Variants in NAV3 observed in about 807,000 individuals in gnomAD.
NAV3 encodes the protein neuron navigator 3, also known as pore membrane and/or filament interacting like protein 1.
NAV3 carries 87 observed loss-of-function variants against 244.7 expected under a neutral mutation model. The observed-to-expected ratio is 0.36, with a 90% confidence interval of 0.30 to 0.42. The LOEUF is 0.42. Ranked by LOEUF, NAV3 falls within the 20% of genes least tolerant of loss-of-function variation. NAV3 has a pLI of 1.00. For synonymous variants in NAV3, 1,126 were observed against 1,042.2 expected (o/e 1.08, Z -1.55); for missense variants, 2,663 against 2,893.3 (o/e 0.92, Z 1.83).
chr12:78,011,158 G>C (rs867566680), intron 8 of NAV3, among the ~76,000 whole-genome samples: 2 of 152,214 alleles, frequency 1.3e-5, no homozygotes, highest in African/African-American at 4.8e-5. Context: ...AGAGCTACCT[G>C]AAATTGGAAT....
intron 2 of NAV3, among the ~76,000 whole-genome samples, chr12:77,776,355 G>T (rs1017897378): frequency 6.6e-6 from 1 of 152,202 alleles, no homozygotes; most frequent in African/African-American, 2.4e-5. Context: ...AAATCTTTCT[G>T]TATTTAACAG....
At chr12:77,964,263 T>G (rs143668690) in intron 3 of NAV3, among the ~76,000 whole-genome samples, 1 of 152,116 alleles carries the variant, frequency 6.6e-6, no homozygotes, top group Non-Finnish European at 1.5e-5. Flanking sequence ...GCTAATCTGT[T>G]CATGTATAAT....
intron 2 of NAV3, among the ~76,000 whole-genome samples, chr12:77,641,870 C>T (rs573654904): frequency 8.9e-4 from 136 of 152,146 alleles, no homozygotes; most frequent in African/African-American, 3.1e-3. Context: ...AGTATATGCT[C>T]GGGGAAAGCA....
Position 77,612,771 on chromosome 12 carries a change from G to A in NAV3, c.72+40505G>A, listed in dbSNP as rs943940121. Among the ~76,000 whole-genome samples the A allele has an allele frequency of 3.9e-5, 6 of 152,030 alleles. No homozygotes were observed. The South Asian group carries it at 8.3e-4, about 21-fold the overall frequency. On this transcript the variant is annotated intron_variant, in intron 2 of 8. Transcript: ENST00000550042. ...GTAAGAAAAGTGATATGATTTGGCT[G>A]TGTCCCCACCCAAATCTCATCTTGA...
At chr12:77,596,819 A>G (rs1308082810) in intron 2 of NAV3, among the ~76,000 whole-genome samples, 1 of 152,122 alleles carries the variant, frequency 6.6e-6, no homozygotes, top group Non-Finnish European at 1.5e-5. Flanking sequence ...TTGTGTTTAA[A>G]GATGCAGAAA....
intron 2 of NAV3, among the ~76,000 whole-genome samples, chr12:77,574,707 A>T (rs1868996512): frequency 6.6e-6 from 1 of 152,136 alleles, no homozygotes; most frequent in African/African-American, 2.4e-5. Flanking sequence ...TATTCTAAGC[A>T]CTACACAACC....
intron 7 of NAV3, among the ~76,000 whole-genome samples, chr12:78,004,588 A>G (rs924291638): frequency 6.6e-6 from 1 of 152,252 alleles, no homozygotes; most frequent in Non-Finnish European, 1.5e-5. Context: ...TCCTGAATAT[A>G]TAAATGGCAA....
At chr12:77,616,610 C>CTAAGTTA (rs1871153262) in intron 2 of NAV3, among the ~76,000 whole-genome samples, 4 of 151,956 alleles carry the variant, frequency 2.6e-5, no homozygotes, top group African/African-American at 7.2e-5. Flanking sequence ...AAGTTACTTG[C>CTAAGTTA]CTAAGTTGAC....
intron 12 of NAV3, among the ~76,000 whole-genome samples, chr12:78,107,709 G>C (rs916312268): frequency 3.9e-5 from 6 of 152,094 alleles, no homozygotes; most frequent in African/African-American, 7.2e-5. Flanking sequence ...TGCTGAGGTA[G>C]TTTGTTACTA....
At chr12:77,962,931 A>G (rs1892157546) in intron 3 of NAV3, among the ~76,000 whole-genome samples, 1 of 152,156 alleles carries the variant, frequency 6.6e-6, no homozygotes, top group African/African-American at 2.4e-5. Context: ...CACAGTCAAT[A>G]TTTTAGAAAA....
intron 5 of NAV3, among the ~76,000 whole-genome samples, chr12:77,985,268 T>C (rs1316542817): frequency 6.6e-6 from 1 of 152,196 alleles, no homozygotes; most frequent in Non-Finnish European, 1.5e-5. Flanking sequence ...TCAATAAAAG[T>C]CTTTTCAATG....
chr12:77,637,248 CAAA>C (rs1446129155), intron 2 of NAV3, among the ~76,000 whole-genome samples: 2 of 151,676 alleles, frequency 1.3e-5, no homozygotes, highest in African/African-American at 4.8e-5. Context: ...TGGTCCACAG[CAAA>C]AAATTGACCA....
At chr12:77,781,968 A>G (rs1367624869) in intron 2 of NAV3, among the ~76,000 whole-genome samples, 1 of 152,200 alleles carries the variant, frequency 6.6e-6, no homozygotes, top group African/African-American at 2.4e-5. Context: ...CCCATGTCCC[A>G]TGCACACTGA....
Position 78,181,062 on chromosome 12 carries a change from G to C in NAV3, c.5692+17G>C, listed in dbSNP as rs1391984769. The stretch of plus-strand genomic sequence containing the variant: ...TTAGCTCAGGTGATTTAGTGCACAT[G>C]CTTGCCTGAATCACAGCATACCCAT... On this transcript the variant is annotated intron_variant, in intron 30 of 39. Coordinates refer to ENST00000397909, the MANE Select transcript of NAV3 (RefSeq NM_001024383.2). 6.2e-7 allele frequency: 1 copy of C among 1,611,260 alleles called. No individual in the cohort carries two copies. The highest frequency in any genetic ancestry group is 8.5e-7 in the Non-Finnish European group (1 of 1,178,144).
chr12:77,656,138 C>T (rs1337983122), intron 2 of NAV3, among the ~76,000 whole-genome samples: 1 of 150,594 alleles, frequency 6.6e-6, no homozygotes, highest in Non-Finnish European at 1.5e-5. Flanking sequence ...GGACTAAATG[C>T]TCCAATTAAA....
chr12:78,210,049 C>T (rs1960741954), intron 39 of NAV3, among the ~76,000 whole-genome samples: 8 of 152,204 alleles, frequency 5.3e-5, no homozygotes. Context: ...CTTTCTGCTT[C>T]TCCCAGCCAA....
intron 22 of NAV3, among the ~76,000 whole-genome samples, chr12:78,158,469 A>G (rs1385868442): frequency 1.3e-5 from 2 of 152,152 alleles, no homozygotes; most frequent in Non-Finnish European, 2.9e-5. Context: ...CTTAAGAGTT[A>G]TAGTTATGTA....
At chr12:77,772,690 A>C (rs1460148859) in intron 2 of NAV3, among the ~76,000 whole-genome samples, 6 of 152,138 alleles carry the variant, frequency 3.9e-5, no homozygotes, top group Non-Finnish European at 5.9e-5. Flanking sequence ...TCTGTGGGTA[A>C]ACTCATGGTC....
intron 7 of NAV3, among the ~76,000 whole-genome samples, chr12:78,000,562 G>T (rs1225293265): frequency 8.2e-5 from 11 of 134,772 alleles, no homozygotes; most frequent in Non-Finnish European, 1.7e-4. Context: ...GGAGTGCAGT[G>T]GCGCGATCTC....
Sources: allele counts gnomAD v4.1 joint callset (sites outside exome capture counted in the v4.1 genomes callset), GRCh38; gene constraint gnomAD v4.1.1; transcripts MANE v1.5; gene names NCBI Gene and HGNC (gene_info 2026-07-23, HGNC 2026-07-21).